Variants in KLRG1 observed in about 807,000 individuals in gnomAD.
The protein encoded by KLRG1 is killer cell lectin like receptor G1, also known as killer cell lectin-like receptor subfamily G member 1.
KLRG1 carries 16 observed loss-of-function variants against 21.8 expected under a neutral mutation model. The ratio of observed to expected loss-of-function variants is 0.73; its 90% CI spans 0.50 to 1.11. KLRG1 has a LOEUF of 1.11. KLRG1 is among the 50% of genes most tolerant of loss of function. The pLI is 0.00. For synonymous variants in KLRG1, 69 were observed against 75.9 expected (o/e 0.91, Z 0.47); for missense variants, 173 against 218.3 (o/e 0.79, Z 1.31).
At chr12:9,152,119 G>T in the KLRG1 span, 1 of 912,888 alleles carries the variant, frequency 1.1e-6, no homozygotes, top group Non-Finnish European at 1.8e-6. Context: ...ATTTTTTTGA[G>T]GCAGGATGAT....
chr12:9,024,742 CT>C, the KLRG1 span, among the ~76,000 whole-genome samples: 5 of 152,186 alleles, frequency 3.3e-5, no homozygotes, highest in African/African-American at 1.2e-4. Context: ...GACTTCACCC[CT>C]GGTTCCATTT....
the KLRG1 span, among the ~76,000 whole-genome samples, chr12:9,163,498 T>A: frequency 8.6e-5 from 13 of 151,578 alleles, no homozygotes; most frequent in Admixed American, 6.6e-4. Context: ...TGAAAAAAAA[T>A]TTACAATAGC....
chr12:9,054,832 A>G, the KLRG1 span, among the ~76,000 whole-genome samples: 1 of 152,250 alleles, frequency 6.6e-6, no homozygotes, highest in Non-Finnish European at 1.5e-5. Flanking sequence ...AAAGTGTTCC[A>G]AAATCTGAAA....
chr12:9,115,579 G>T, the KLRG1 span: 1 of 553,458 alleles, frequency 1.8e-6, no homozygotes, highest in African/African-American at 1.9e-5. Context: ...GAGCTTCAGA[G>T]AGTTGGGGAA....
chr12:9,028,149 C>CT, the KLRG1 span: 189,955 of 472,714 alleles, frequency 0.4, 26,032 homozygotes, highest in African/African-American at 0.57. Context: ...TCGTCTTCTT[C>CT]TTTTTTTTTT....
the KLRG1 span, among the ~76,000 whole-genome samples, chr12:9,198,326 T>C: frequency 1.3e-5 from 2 of 152,134 alleles, no homozygotes; most frequent in African/African-American, 4.8e-5. Context: ...CACTCCAGCC[T>C]GGGTGAGAGA....
chr12:9,036,944 T>G, the KLRG1 span: 1 of 271,612 alleles, frequency 3.7e-6, no homozygotes, highest in East Asian at 9.8e-5. Context: ...GGGGCAGAAT[T>G]TGGAGGCTCA....
At chr12:9,068,160 T>C in the KLRG1 span, 8 of 1,611,870 alleles carry the variant, frequency 5.0e-6, no homozygotes, top group African/African-American at 2.7e-5. Context: ...TGACTGCCTT[T>C]TGGAGGAGTG....
the KLRG1 span, among the ~76,000 whole-genome samples, chr12:9,124,471 C>T: frequency 6.8e-4 from 103 of 152,348 alleles, no homozygotes; most frequent in African/African-American, 2.4e-3. Context: ...TCTACACTCC[C>T]CGTGCGGCTG....
the KLRG1 span, chr12:9,159,906 A>C: frequency 2.4e-5 from 37 of 1,551,762 alleles, no homozygotes; most frequent in Non-Finnish European, 3.2e-5. Context: ...CTGAACTCAT[A>C]GTTGAAACTC....
At chr12:9,153,196 G>C in the KLRG1 span, 1 of 1,614,174 alleles carries the variant, frequency 6.2e-7, no homozygotes, top group Non-Finnish European at 8.5e-7. Context: ...AATGAGATCT[G>C]CTGCAGTAAT....
the KLRG1 span, among the ~76,000 whole-genome samples, chr12:9,212,905 T>G: frequency 2.6e-5 from 4 of 152,316 alleles, no homozygotes; most frequent in South Asian, 4.1e-4. Context: ...TTATGGAACA[T>G]TTCCATCACC....
At chr12:9,112,256 C>A in the KLRG1 span, 2 of 1,612,016 alleles carry the variant, frequency 1.2e-6, no homozygotes, top group South Asian at 2.2e-5. Flanking sequence ...CCAAAGTAGG[C>A]CTGTAGGCTG....
intron 1 of KLRG1, among the ~76,000 whole-genome samples, chr12:8,978,656 C>CT (rs369658965): frequency 8.8e-5 from 13 of 147,510 alleles, no homozygotes; most frequent in Non-Finnish European, 1.5e-4. Flanking sequence ...TTCTTTCTTT[C>CT]TTTCTTTCTT....
rs1208279424 is a variant in KLRG1 at position 9,006,965 on chromosome 12, T to TTAGA, written c.358-2009_358-2006dup. 4.5e-4 allele frequency among the ~76,000 whole-genome samples: 69 copies of TTAGA among 152,326 alleles called. 1 individual carries two copies. Among genetic ancestry groups the TTAGA allele is most frequent in the African/African-American group, 1.7e-3 (69 of 41,572 alleles). ...TGAACGCAAAGGGATTTTGCAAACC[T>TTAGA]TAGAGTACAATACAAATGTAAGAGA... On this transcript the variant is annotated intron_variant, in intron 3 of 4. Coordinates refer to ENST00000356986, the MANE Select transcript of KLRG1 (RefSeq NM_005810.4).
the KLRG1 span, among the ~76,000 whole-genome samples, chr12:9,175,600 T>A: frequency 1.3e-5 from 2 of 152,048 alleles, no homozygotes; most frequent in African/African-American, 4.8e-5. Flanking sequence ...TACGAGGAAC[T>A]TAAACAAATT....
the KLRG1 span, among the ~76,000 whole-genome samples, chr12:9,040,712 T>G: frequency 6.6e-6 from 1 of 152,226 alleles, no homozygotes; most frequent in Non-Finnish European, 1.5e-5. Flanking sequence ...TCTGGGGTTG[T>G]TTTCCAAACT....
the KLRG1 span, among the ~76,000 whole-genome samples, chr12:9,083,764 AAAG>A: frequency 6.6e-5 from 10 of 152,086 alleles, no homozygotes; most frequent in African/African-American, 2.4e-4. Context: ...GAAAAAAAAA[AAAG>A]CAGTAAGGGC....
At chr12:9,195,316 A>C in the KLRG1 span, among the ~76,000 whole-genome samples, 1 of 152,172 alleles carries the variant, frequency 6.6e-6, no homozygotes, top group African/African-American at 2.4e-5. Context: ...TAACGTTATT[A>C]TTATCTCCTG....
Sources: gnomAD v4.1 joint callset for allele counts (sites outside exome capture counted in the v4.1 genomes callset) on GRCh38, gnomAD v4.1.1 for gene constraint, MANE v1.5 for transcripts, NCBI Gene and HGNC (gene_info 2026-07-23, HGNC 2026-07-21) for gene names.